The following CCDC33 variants were observed in gnomAD, a reference collection of about 807,000 sequenced individuals.
CCDC33 encodes the protein coiled-coil domain-containing protein 33.
In CCDC33, 94 loss-of-function variants were observed where a neutral mutation model predicts 91.9. The observed-to-expected ratio is 1.02, with a 90% CI of 0.87 to 1.21. The LOEUF (loss-of-function observed/expected upper bound fraction) is 1.21. CCDC33 is among the 50% of genes most tolerant of loss of function. The pLI, the probability that CCDC33 is intolerant of heterozygous loss-of-function variation, is 0.00. For missense variants in CCDC33, 940 were observed against 935.5 expected (o/e 1.00, Z -0.06); for synonymous variants, 396 against 374.5 (o/e 1.06, Z -0.66).
At chr15:74,278,659 G>T (rs2076512437) in intron 7 of CCDC33, among the ~76,000 whole-genome samples, 1 of 152,218 alleles carries the variant, frequency 6.6e-6, no homozygotes, top group Non-Finnish European at 1.5e-5. Flanking sequence ...TGATTGTGCT[G>T]TTTTCCCATC....
chr15:74,335,881 CT>C, intron 18 of CCDC33, 43 bp from the exon 19 acceptor site: 2 of 1,497,288 alleles, frequency 1.3e-6, no homozygotes, highest in Non-Finnish European at 1.9e-6. Flanking sequence ...AGGTCACCCC[CT>C]GGGAATGGGG....
At chr15:74,209,283 A>C (rs1041310545) in intron 1 of CCDC33, 1 of 1,329,224 alleles carries the variant, frequency 7.5e-7, no homozygotes, top group Non-Finnish European at 1.0e-6. Flanking sequence ...ACCTCAGTGG[A>C]GAAGCCTGCA....
chr15:74,254,932 G>C (rs566729745), intron 2 of CCDC33, among the ~76,000 whole-genome samples: 1 of 152,188 alleles, frequency 6.6e-6, no homozygotes, highest in South Asian at 2.1e-4. Context: ...ATTTTTAGTA[G>C]AGACGGTGTT....
chr15:74,209,117 G>C, intron 1 of CCDC33: 2 of 1,320,840 alleles, frequency 1.5e-6, no homozygotes, highest in South Asian at 2.0e-5. Flanking sequence ...TTGATTCCGG[G>C]ATCAGAGGAA....
chr15:74,261,330 G>T (rs934060006), intron 2 of CCDC33, among the ~76,000 whole-genome samples: 10 of 152,204 alleles, frequency 6.6e-5, no homozygotes, highest in African/African-American at 2.4e-4. Flanking sequence ...AGTGAGGGCC[G>T]GGGGACTCCA....
chr15:74,217,917 ATAT>A (rs1243616809), intron 1 of CCDC33, among the ~76,000 whole-genome samples: 2 of 152,068 alleles, frequency 1.3e-5, no homozygotes, highest in Non-Finnish European at 2.9e-5. Context: ...ACACCGAGTA[ATAT>A]TATACTCAGC....
At chr15:74,214,681 C>T (rs1331384309), upstream of CCDC33, among the ~76,000 whole-genome samples, 1 of 152,178 alleles carries the variant, frequency 6.6e-6, no homozygotes, top group African/African-American at 2.4e-5. Flanking sequence ...GTTTCTGCCT[C>T]CTGTCCTATT....
intron 11 of CCDC33, among the ~76,000 whole-genome samples, chr15:74,308,711 CA>C (rs2059938416): frequency 6.6e-6 from 1 of 152,192 alleles, no homozygotes; most frequent in Non-Finnish European, 1.5e-5. Flanking sequence ...GCCTCTGCAG[CA>C]GAATTTTTTT....
In CCDC33 at chr15:74,225,704, G is replaced by A. The variant is rs183485640; in HGVS notation, c.675+6843G>A. Among the ~76,000 whole-genome samples the A allele has an allele frequency of 3.1e-3, 468 of 152,298 alleles. 3 individuals carry two copies. The highest frequency in any genetic ancestry group is 5.5e-3 in the Non-Finnish European group (371 of 68,024). On this transcript the variant is annotated intron_variant, in intron 2 of 2. Transcript: ENST00000635913. ...GCACCAGGTGAGAAAGGGACTTGGG[G>A]ACATGGCATATGTGATATATGAGGT... is the stretch of plus-strand genomic sequence containing the variant.
At chr15:74,226,122 T>C (rs188540537) in intron 2 of CCDC33, among the ~76,000 whole-genome samples, 3 of 152,306 alleles carry the variant, frequency 2.0e-5, no homozygotes, top group East Asian at 1.9e-4. Flanking sequence ...TGTCCAGCCT[T>C]CAGGGAGCTG....
rs56107695 is a variant in CCDC33, at chr15:74,268,435, G to C, written c.523G>C (p.Gly175Arg). ...GAGCAGCTTCATACCCCGCTACATC[G>C]GCTGCAACCACATGGCTCTGGAGGT... ...RKSSFIPRYIGCNHMALEIFL... is the reference protein window; with the variant it reads ...RKSSFIPRYIRCNHMALEIFL... The change falls in exon 5 of 19, where the codon GGC (glycine) becomes CGC (arginine). Residue 175 changes from glycine (G) to arginine (R), a missense_variant. Physicochemically the swap from Gly to Arg is moderately radical, Grantham distance 125. Transcript: ENST00000398814. 1 of 1,611,798 alleles carries C rather than the reference G, an allele frequency of 6.2e-7. No homozygotes were observed.
chr15:74,331,098 C>A lies in CCDC33; in HGVS notation c.1663C>A (p.Arg555=), dbSNP rs368665468. The A allele has an allele frequency of 3.7e-6, 6 of 1,612,798 alleles. No homozygotes were observed. The African/African-American group carries it at 8.0e-5, about 22-fold the overall frequency. Residue 555 remains arginine (R), a synonymous_variant, in exon 14 of 19, where the codon CGG becomes AGG. Coordinates refer to ENST00000398814, the MANE Select transcript of CCDC33 (RefSeq NM_025055.5). The part of the protein sequence containing the change: ...QKMKALEETV[R]HQEKVIEKME... Reference sequence around the variant, plus strand: ...GATGAAGGCGCTGGAGGAGACTGTGCGGCACCAAGAGAAGGCAGGTGGCAG... The same window carrying A: ...GATGAAGGCGCTGGAGGAGACTGTGAGGCACCAAGAGAAGGCAGGTGGCAG...
chr15:74,278,487 C>T (rs1001300075), intron 7 of CCDC33, among the ~76,000 whole-genome samples: 8 of 152,226 alleles, frequency 5.3e-5, no homozygotes, highest in Non-Finnish European at 1.2e-4. Flanking sequence ...CAGCCCCGCC[C>T]TGTGCTGGGA....
At position 74,218,875 on chromosome 15, in the gene CCDC33, T is replaced by G; in HGVS notation, c.675+14T>G. 1 of 1,214,224 alleles carries G rather than the reference T, an allele frequency of 8.2e-7. No individual in the cohort carries two copies. The highest frequency in any genetic ancestry group is 1.0e-6 in the Non-Finnish European group (1 of 953,540). The allele number at this position is 1,214,224 out of a possible 1,614,324, so 75.2% of individuals were successfully genotyped here. ...CCCATACTGCAGGTGGGTGCTTCCC[T>G]GGTCCCAGTTCAGGTTCTGGGCTCA... On this transcript the variant is annotated intron_variant, in intron 2 of 2. Transcript: ENST00000635913. This position sits in a 1 kb window ranked among gnomAD's most constrained non-coding sequence, Gnocchi z 4.8.
chr15:74,207,972 C>T, intron 1 of CCDC33: 1 of 1,429,116 alleles, frequency 7.0e-7, no homozygotes, highest in South Asian at 1.5e-5. Flanking sequence ...CCTCCCCTGC[C>T]ATGTGGGAGG....
At chr15:74,279,433 A>G (rs1302474560) in intron 7 of CCDC33, among the ~76,000 whole-genome samples, 7 of 152,250 alleles carry the variant, frequency 4.6e-5, no homozygotes, top group Admixed American at 4.6e-4. Context: ...TATTGTGTTT[A>G]TCATAGGAAC....
intron 1 of CCDC33, among the ~76,000 whole-genome samples, chr15:74,204,739 G>A (rs1312775736): frequency 6.6e-6 from 1 of 152,154 alleles, no homozygotes; most frequent in Non-Finnish European, 1.5e-5. Context: ...TAGAGACCCA[G>A]CCTGGCCAAC....
chr15:74,311,578 G>C (rs993421067), intron 11 of CCDC33: 4 of 152,236 alleles, frequency 2.6e-5, no homozygotes, highest in African/African-American at 9.6e-5. Flanking sequence ...GAGTTGCGGG[G>C]CATCCCAGAA....
chr15:74,281,668 TG>T, intron 9 of CCDC33, 109 bp from the exon 10 acceptor site: 1 of 976,766 alleles, frequency 1.0e-6, no homozygotes, highest in South Asian at 1.5e-5. Context: ...CCCACCCTCC[TG>T]GGTGCAGCCC....
Sources: allele counts gnomAD v4.1 joint callset (sites outside exome capture counted in the v4.1 genomes callset), GRCh38; gene constraint gnomAD v4.1.1; non-coding constraint Gnocchi (gnomAD v3.1); transcripts MANE v1.5; gene names NCBI Gene and HGNC (gene_info 2026-07-23, HGNC 2026-07-21).